Variants in WNK2 observed in about 807,000 individuals in gnomAD.
WNK2 encodes the protein WNK lysine deficient protein kinase 2, also known as serine/threonine-protein kinase WNK2.
WNK2 carries 67 observed loss-of-function variants against 192.1 expected under a neutral mutation model. The observed-to-expected ratio is 0.35, with a 90% CI of 0.29 to 0.43. The LOEUF (loss-of-function observed/expected upper bound fraction) is 0.43. Among genes scored for constraint, WNK2 ranks in the 20% least tolerant of loss-of-function variants. WNK2 has a pLI of 1.00. For synonymous variants in WNK2, 1,439 were observed against 1,393.9 expected (o/e 1.03, Z -0.72); for missense variants, 2,698 against 3,089.7 (o/e 0.87, Z 3.01).
chr9:93,187,879 T>A (rs1333891589), intron 2 of WNK2, among the ~76,000 whole-genome samples: 1 of 151,610 alleles, frequency 6.6e-6, no homozygotes, highest in Non-Finnish European at 1.5e-5. Flanking sequence ...GGGAGGGGCG[T>A]TGGACTCTGC....
Position 93,202,364 on chromosome 9 carries a change from G to GTGTATGTGTGTA in WNK2, c.681+16761_681+16762insGTGTATGTATGT, listed in dbSNP as rs3079714. Among the ~76,000 whole-genome samples the GTGTATGTGTGTA allele has an allele frequency of 5.7e-3, 837 of 146,154 alleles. 3 individuals are homozygous for GTGTATGTGTGTA. Among genetic ancestry groups the GTGTATGTGTGTA allele is most frequent in the Non-Finnish European group, 9.7e-3 (640 of 65,986 alleles). ...TGTGTGTGTGTGTGTGTGTGTGTGT[G>GTGTATGTGTGTA]TGTATGTCTCGTCTTTGGCTCGTTT... On this transcript the variant is annotated intron_variant, in intron 2 of 29. Coordinates refer to ENST00000427277, the MANE Select transcript of WNK2 (RefSeq NM_006648.4).
intron 26 of WNK2, among the ~76,000 whole-genome samples, chr9:93,303,523 C>T (rs760638702): frequency 1.3e-5 from 2 of 152,214 alleles, no homozygotes; most frequent in Non-Finnish European, 2.9e-5. Context: ...TCATCCCTCC[C>T]GGTGGGGAGA....
rs865994207 is a variant in WNK2 at position 93,253,047 on chromosome 9, C to A, written c.1999C>A (p.Pro667Thr). ...GGGGCCCGTCCTGCCGCAGAGCCTG[C>A]CCTCGCTGGGGGCCTACCAGCAGCC... Reference protein sequence around the residue: ...SEGPVLPQSLPSLGAYQQPTA... With the variant: ...SEGPVLPQSLTSLGAYQQPTA... Residue 667 changes from proline (P) to threonine (T), a missense_variant, in exon 9 of 30, where the codon CCC (proline) becomes ACC (threonine). Physicochemically the swap from Pro to Thr is conservative, Grantham distance 38. This residue lies in a region of WNK2 where 893 missense variants were observed against 909.0 expected (regional missense o/e 0.98). Transcript: ENST00000427277. 2 of 1,522,326 alleles carry A rather than the reference C, an allele frequency of 1.3e-6. No individual in the cohort carries two copies. Among genetic ancestry groups the A allele is most frequent in the South Asian group, 1.2e-5 (1 of 80,716 alleles). 94.3% of individuals were successfully genotyped at this position (1,522,326 alleles called of 1,614,324 possible). A position where few individuals can be genotyped will look rare whatever the true frequency, so the allele number is the denominator to read the frequency against.
chr9:93,236,550 C>T (rs140894846), intron 5 of WNK2, among the ~76,000 whole-genome samples: 3 of 152,336 alleles, frequency 2.0e-5, no homozygotes, highest in Non-Finnish European at 4.4e-5. Flanking sequence ...GCTCATACAC[C>T]GTCTTACTCC....
At chr9:93,219,816 T>A (rs147368062) in intron 2 of WNK2, among the ~76,000 whole-genome samples, 450 of 152,360 alleles carry the variant, frequency 3.0e-3, no homozygotes, top group Middle Eastern at 0.01. Flanking sequence ...CCCACCTGCT[T>A]CCTCGCTTGG....
chr9:93,232,121 A>G (rs1241658735), intron 4 of WNK2, among the ~76,000 whole-genome samples: 3 of 152,186 alleles, frequency 2.0e-5, no homozygotes, highest in African/African-American at 7.2e-5. Flanking sequence ...AGGGCAGGAC[A>G]GTGAGCAGTC....
At chr9:93,211,095 C>T (rs567524175) in intron 2 of WNK2, among the ~76,000 whole-genome samples, 16 of 152,118 alleles carry the variant, frequency 1.1e-4, no homozygotes, top group African/African-American at 2.6e-4. Flanking sequence ...TTTACTCATT[C>T]ACTCACTCAT....
At chr9:93,252,754 G>T in intron 8 of WNK2, 129 bp from the exon 9 acceptor site, 3 of 866,090 alleles carry the variant, frequency 3.5e-6, no homozygotes, top group Non-Finnish European at 4.9e-6. Context: ...TAAACAATAT[G>T]TGCGGGTTAT....
At chr9:93,238,452 G>C (rs902468988) in intron 6 of WNK2, 131 bp downstream of exon 6, 11 of 824,202 alleles carry the variant, frequency 1.3e-5, no homozygotes, top group Non-Finnish European at 2.0e-5. Context: ...TCTGGGGCAC[G>C]TTAGCAGGGG....
intron 2 of WNK2, among the ~76,000 whole-genome samples, chr9:93,211,472 ATCC>A (rs1834699195): frequency 7.3e-6 from 1 of 136,148 alleles, no homozygotes. Context: ...ATTCACTCCC[ATCC>A]ACTCACTCAC....
chr9:93,221,996 C>G (rs1836982575), intron 2 of WNK2, among the ~76,000 whole-genome samples: 1 of 152,120 alleles, frequency 6.6e-6, no homozygotes, highest in South Asian at 2.1e-4. Context: ...ACTGTTTGAC[C>G]CTATGATGAC....
At chr9:93,227,319 T>A (rs1172706111) in intron 2 of WNK2, among the ~76,000 whole-genome samples, 1 of 152,080 alleles carries the variant, frequency 6.6e-6, no homozygotes, top group East Asian at 1.9e-4. Flanking sequence ...TTCACCATGT[T>A]AGCCAGGATG....
chr9:93,272,096 T>C (rs1474800499), intron 19 of WNK2, among the ~76,000 whole-genome samples: 1 of 152,218 alleles, frequency 6.6e-6, no homozygotes, highest in Non-Finnish European at 1.5e-5. Flanking sequence ...ATTCATGGGC[T>C]GCACACCTAC....
Position 93,249,483 on chromosome 9 carries a change from GT to G in WNK2, c.1834+1657del, listed in dbSNP as rs796117004. Among the ~76,000 whole-genome samples the G allele has an allele frequency of 3.3e-5, 5 of 151,968 alleles. No homozygotes were observed. The South Asian group carries it at 1.0e-3, about 32-fold the overall frequency. On this transcript the variant is annotated intron_variant, in intron 8 of 29. Transcript: ENST00000427277. ...GCTTCTCAAAAACACTTTTTTTGTT[GT>G]TTTTTTTGAGACGGAGTCTTGCTCT... is the stretch of plus-strand genomic sequence containing the variant.
In WNK2 at chr9:93,257,374, G is replaced by A. The variant is rs1453654123; in HGVS notation, c.2382+235G>A. ...ACCAGCCACTTGTCCCTTGGTGGCT[G>A]GCTTGGCTGCTGTCTCCTGCCCTCC... is the stretch of plus-strand genomic sequence containing the variant. On this transcript the variant is annotated intron_variant, in intron 11 of 29. Coordinates refer to ENST00000427277, the MANE Select transcript of WNK2 (RefSeq NM_006648.4). This position sits in a 1 kb window ranked among gnomAD's most constrained non-coding sequence, Gnocchi z 4.7. Among the ~76,000 whole-genome samples the A allele has an allele frequency of 1.3e-5, 2 of 152,108 alleles. No homozygotes were observed. Among genetic ancestry groups the A allele is most frequent in the Non-Finnish European group, 2.9e-5 (2 of 68,002 alleles).
rs1395695288 is a variant in WNK2 at position 93,185,276 on chromosome 9, C to A, written c.347C>A (p.Pro116His). The A allele has an allele frequency of 2.2e-6, 3 of 1,351,926 alleles. No individual in the cohort carries two copies. The highest frequency in any genetic ancestry group is 3.6e-5 in the South Asian group (2 of 56,142). The allele number at this position is 1,351,926 out of a possible 1,614,324, so 83.7% of individuals were successfully genotyped here. Residue 116 changes from proline to histidine, a missense_variant, in exon 2 of 30, where the codon CCC (proline) becomes CAC (histidine). Transcript: ENST00000427277. ...GAPGAPADAGPEPVGTQEPGP... is the reference protein window; with the variant it reads ...GAPGAPADAGHEPVGTQEPGP... ...CCCGGAGCCCCCGCGGACGCCGGCC[C>A]CGAGCCCGTGGGCACGCAGGAGCCC... is the stretch of plus-strand genomic sequence containing the variant.
chr9:93,242,577 C>T (rs973909425), intron 7 of WNK2, among the ~76,000 whole-genome samples: 2 of 152,238 alleles, frequency 1.3e-5, no homozygotes, highest in South Asian at 2.1e-4. Context: ...TAGCAAGTGC[C>T]GAGTGAGATG....
At chr9:93,195,472 G>A (rs1831069233) in intron 2 of WNK2, among the ~76,000 whole-genome samples, 1 of 152,132 alleles carries the variant, frequency 6.6e-6, no homozygotes, top group Non-Finnish European at 1.5e-5. Flanking sequence ...GCCGAGGCAG[G>A]TGGATCACTT....
intron 26 of WNK2, 36 bp from the exon 27 acceptor site, chr9:93,306,741 C>A (rs1388028287): frequency 6.2e-7 from 1 of 1,613,946 alleles, no homozygotes; most frequent in East Asian, 2.2e-5. Flanking sequence ...TTCTGCCTAA[C>A]CCTGTGGTCT....
Sources: allele counts gnomAD v4.1 joint callset (sites outside exome capture counted in the v4.1 genomes callset), GRCh38; gene constraint gnomAD v4.1.1; regional missense constraint gnomAD v4.1.1; non-coding constraint Gnocchi (gnomAD v3.1); transcripts MANE v1.5; gene names NCBI Gene and HGNC (gene_info 2026-07-23, HGNC 2026-07-21).